The following EYS variants were observed in gnomAD, a reference collection of about 807,000 sequenced individuals.
EYS encodes the protein EGF-like photoreceptor maintenance factor, also known as protein eyes shut homolog.
EYS carries 250 observed loss-of-function variants against 282.1 expected under a neutral mutation model. The ratio of observed to expected loss-of-function variants is 0.89; its 90% confidence interval spans 0.80 to 0.98. The LOEUF is 0.98. EYS is among the 50% of genes least tolerant of loss of function. EYS has a pLI of 0.00. For missense variants in EYS, 4,016 were observed against 3,709.0 expected, an observed-to-expected ratio of 1.08 and a Z score of -2.15; for synonymous variants, 1,355 against 1,282.9, an observed-to-expected ratio of 1.06 and a Z score of -1.20.
intron 7 of EYS, 119 bp from the exon 8 acceptor site, chr6:65,384,619 T>C: frequency 3.2e-6 from 2 of 628,878 alleles, no homozygotes; most frequent in Non-Finnish European, 5.6e-6. Flanking sequence ...TATTAATCAT[T>C]TTTTAATACA....
At chr6:64,155,351 T>G (rs1774881403) in intron 31 of EYS, among the ~76,000 whole-genome samples, 2 of 152,090 alleles carry the variant, frequency 1.3e-5, no homozygotes, top group Non-Finnish European at 2.9e-5. Context: ...ATAATTTTTT[T>G]TTTTTTTTGG....
rs73451155 is a variant in EYS at position 64,340,090 on chromosome 6, T to G, written c.6079-33008A>C. Among the ~76,000 whole-genome samples the G allele has an allele frequency of 1.8e-4, 28 of 151,760 alleles. 1 individual carries two copies. The South Asian group carries it at 4.8e-3, about 26-fold the overall frequency. On this transcript the variant is annotated intron_variant, in intron 29 of 42. Coordinates refer to ENST00000503581, the MANE Select transcript of EYS (RefSeq NM_001142800.2). ...GCATACAAATAAAAACGTATGCACA[T>G]TTAACAATTTAAATAGGTTTTGCCT...
intron 26 of EYS, among the ~76,000 whole-genome samples, chr6:64,522,225 T>C (rs926515431): frequency 6.6e-6 from 1 of 151,778 alleles, no homozygotes; most frequent in African/African-American, 2.4e-5. Flanking sequence ...GCTTATTATA[T>C]GAAGTTTTGA....
intron 12 of EYS, among the ~76,000 whole-genome samples, chr6:65,190,701 G>C (rs997076447): frequency 4.6e-5 from 7 of 151,706 alleles, no homozygotes; most frequent in Admixed American, 4.0e-4. Flanking sequence ...GTTTGTTAGA[G>C]CTTTCAAATC....
intron 19 of EYS, among the ~76,000 whole-genome samples, chr6:64,860,847 A>G (rs1766213699): frequency 6.6e-6 from 1 of 152,186 alleles, no homozygotes; most frequent in South Asian, 2.1e-4. Context: ...AGCTCAGAGG[A>G]GACCAACAGT....
chr6:65,363,177 T>C (rs370052775), intron 8 of EYS, among the ~76,000 whole-genome samples: 1 of 147,096 alleles, frequency 6.8e-6, no homozygotes, highest in African/African-American at 2.5e-5. Context: ...ATCTTACTCA[T>C]TTAAAATGAT....
intron 41 of EYS, among the ~76,000 whole-genome samples, chr6:63,747,319 T>G (rs1448747585): frequency 6.6e-6 from 1 of 152,238 alleles, no homozygotes; most frequent in Non-Finnish European, 1.5e-5. Flanking sequence ...AGACTGCTTG[T>G]TAAGATTTCC....
rs377737957 is a variant in EYS, at chr6:65,121,982, G to T, written c.2024-64255C>A. On this transcript the variant is annotated intron_variant, in intron 12 of 42. Coordinates refer to ENST00000503581, the MANE Select transcript of EYS (RefSeq NM_001142800.2). ...CACTAAAACTAAATTTGGAAAAAAA[G>T]TCATAAAATTTCTTATATCATGCCT... is the stretch of plus-strand genomic sequence containing the variant. 6.1e-3 allele frequency among the ~76,000 whole-genome samples: 928 copies of T among 151,974 alleles called. 11 individuals are homozygous for T. Among genetic ancestry groups the T allele is most frequent in the African/African-American group, 0.021 (880 of 41,460 alleles).
At chr6:64,170,842 T>C (rs1764455900) in intron 31 of EYS, among the ~76,000 whole-genome samples, 1 of 152,098 alleles carries the variant, frequency 6.6e-6, no homozygotes, top group African/African-American at 2.4e-5. Context: ...AGTACTTTCA[T>C]ACACATTTTG....
chr6:63,805,477 G>C (rs1055951054), intron 37 of EYS, among the ~76,000 whole-genome samples: 18 of 152,090 alleles, frequency 1.2e-4, no homozygotes, highest in African/African-American at 4.3e-4. Context: ...TCTCTCTTCA[G>C]ACATGGAAAC....
chr6:65,375,290 G>A (rs1229328020), intron 8 of EYS, among the ~76,000 whole-genome samples: 1 of 152,062 alleles, frequency 6.6e-6, no homozygotes, highest in Non-Finnish European at 1.5e-5. Flanking sequence ...TGCAGAAGAG[G>A]GGCCTGACCA....
chr6:65,172,610 A>G (rs1413758437), intron 12 of EYS, among the ~76,000 whole-genome samples: 1 of 151,398 alleles, frequency 6.6e-6, no homozygotes, highest in Non-Finnish European at 1.5e-5. Context: ...TAATATGGCA[A>G]TCAGCTATTC....
At chr6:64,957,277 T>C (rs1178692414) in intron 14 of EYS, among the ~76,000 whole-genome samples, 1 of 152,088 alleles carries the variant, frequency 6.6e-6, no homozygotes, top group African/African-American at 2.4e-5. Flanking sequence ...TGCAACAACA[T>C]GGATGGAACT....
At chr6:65,643,652 A>G (rs1767355245) in intron 1 of EYS, among the ~76,000 whole-genome samples, 1 of 152,064 alleles carries the variant, frequency 6.6e-6, no homozygotes, top group African/African-American at 2.4e-5. Context: ...ACAAAAACAC[A>G]ACCAAAGACC....
chr6:63,968,942 T>G (rs1766429719), intron 35 of EYS, among the ~76,000 whole-genome samples: 1 of 152,232 alleles, frequency 6.6e-6, no homozygotes, highest in Non-Finnish European at 1.5e-5. Context: ...CAAAGCGTAC[T>G]TGTGGTTATA....
chr6:65,091,952 C>T (rs770063966), intron 12 of EYS, among the ~76,000 whole-genome samples: 20 of 152,126 alleles, frequency 1.3e-4, no homozygotes, highest in Non-Finnish European at 2.4e-4. Flanking sequence ...TTCAGCTACC[C>T]GCCACCCATC....
intron 35 of EYS, among the ~76,000 whole-genome samples, chr6:63,910,101 A>G (rs776260666): frequency 3.3e-5 from 5 of 152,142 alleles, no homozygotes; most frequent in Non-Finnish European, 7.4e-5. Context: ...AATGGGAGAA[A>G]CGGAAGAAAA....
At chr6:65,244,529 T>TATC (rs200314235) in intron 12 of EYS, among the ~76,000 whole-genome samples, 4,765 of 151,974 alleles carry the variant, frequency 0.031, 96 homozygotes, top group African/African-American at 0.054. Flanking sequence ...TATTTATTAT[T>TATC]TGAGACCAAG....
intron 2 of EYS, among the ~76,000 whole-genome samples, chr6:65,599,104 CA>C (rs528871455): frequency 2.0e-5 from 3 of 151,960 alleles, no homozygotes; most frequent in East Asian, 1.9e-4. Context: ...AAATCATGGA[CA>C]AAAAATGTTG....
Sources: allele counts gnomAD v4.1 joint callset (sites outside exome capture counted in the v4.1 genomes callset), GRCh38; gene constraint gnomAD v4.1.1; transcripts MANE v1.5; gene names NCBI Gene and HGNC (gene_info 2026-07-23, HGNC 2026-07-21).